The following RCN2 variants were observed in gnomAD, a reference collection of about 807,000 sequenced individuals.
RCN2 encodes reticulocalbin 2, also known as reticulocalbin-2.
In RCN2, 23 loss-of-function variants were observed where a neutral mutation model predicts 37.5. The ratio of observed to expected loss-of-function variants is 0.61; its 90% CI spans 0.44 to 0.87. The LOEUF (loss-of-function observed/expected upper bound fraction) is 0.87. Among genes scored for constraint, RCN2 ranks in the 40% least tolerant of loss-of-function variants. The pLI is 0.00. For synonymous variants in RCN2, 140 were observed against 144.6 expected (o/e 0.97, Z 0.23); for missense variants, 381 against 390.4 (o/e 0.98, Z 0.20).
intron 3 of RCN2, chr15:76,943,431 G>T (rs189618065): frequency 1.1e-3 from 228 of 201,120 alleles, no homozygotes; most frequent in African/African-American, 5.1e-3. Flanking sequence ...TTTATTAATG[G>T]TGTGGTAGGG....
intron 4 of RCN2, 23 bp from the exon 5 acceptor site, chr15:76,947,397 TC>T: frequency 6.8e-7 from 1 of 1,468,150 alleles, no homozygotes; most frequent in Non-Finnish European, 9.4e-7. Context: ...CTTTTTTTTT[TC>T]TTTTTTAATG....
intron 3 of RCN2, among the ~76,000 whole-genome samples, chr15:76,938,527 A>C (rs961706968): frequency 2.0e-5 from 3 of 152,202 alleles, no homozygotes; most frequent in African/African-American, 7.2e-5. Flanking sequence ...TGTTAAGTAC[A>C]TTCACAGTGT....
At chr15:76,947,301 C>T (rs1258839513) in intron 4 of RCN2, 120 bp from the exon 5 acceptor site, 2 of 627,332 alleles carry the variant, frequency 3.2e-6, no homozygotes, top group Non-Finnish European at 2.7e-6. Flanking sequence ...GATTGCACCA[C>T]TAGAGCTCCA....
rs115546351 is a variant in RCN2 at position 76,937,565 on chromosome 15, G to A, written c.447+1843G>A. ...TGGGATTTCAGGCTCAAGCCACCAC[G>A]CCCATCTAATTTTTGTATTTTTTGT... On this transcript the variant is annotated intron_variant, in intron 3 of 6. Coordinates refer to ENST00000394885, the MANE Select transcript of RCN2 (RefSeq NM_002902.3). 3.3e-3 allele frequency among the ~76,000 whole-genome samples: 503 copies of A among 151,980 alleles called. 5 individuals are homozygous for A. The highest frequency in any genetic ancestry group is 0.011 in the African/African-American group (464 of 41,440).
In RCN2 at chr15:76,931,785, CG is replaced by C; in HGVS notation, c.-54del. The C allele has an allele frequency of 8.4e-7, 1 of 1,183,464 alleles. No individual in the cohort carries two copies. Among genetic ancestry groups the C allele is most frequent in the African/African-American group, 1.6e-5 (1 of 62,314 alleles). 73.3% of individuals were successfully genotyped at this position (1,183,464 alleles called of 1,614,324 possible). On this transcript the variant is annotated 5_prime_UTR_variant, in exon 1 of 7. Transcript: ENST00000394885. ...CGCCCGCGGAGCATCGCAGCCGGCC[CG>C]GGCCCCCGCCAGCCTCCCTCCTCGC...
Position 76,947,444 on chromosome 15 carries a change from A to G in RCN2, c.585A>G (p.Leu195=), listed in dbSNP as rs377671184. The G allele has an allele frequency of 6.2e-7, 1 of 1,605,316 alleles. No individual in the cohort carries two copies. Among genetic ancestry groups the G allele is most frequent in the South Asian group, 1.1e-5 (1 of 89,504 alleles). The part of the protein sequence containing the change: ...YMTEFVIQEA[L]EEHDKNGDGF... ...AGGAATTTGTCATTCAAGAAGCTTT[A>G]GAAGAACATGACAAAAATGGTGATG... The change falls in exon 5 of 7, where the codon TTA becomes TTG. Residue 195 remains leucine (L), a synonymous_variant. Coordinates refer to ENST00000394885, the MANE Select transcript of RCN2 (RefSeq NM_002902.3).
chr15:76,932,446 C>T lies in RCN2; in HGVS notation c.230C>T (p.Ser77Leu), dbSNP rs2075228466. The T allele has an allele frequency of 6.2e-7, 1 of 1,609,550 alleles. No individual in the cohort carries two copies. The highest frequency in any genetic ancestry group is 2.2e-5 in the East Asian group (1 of 44,620). ...ATCATAAAGAAAATCGACTTGGACT[C>T]AGATGGCTTTCTCACTGAAAGTAAG... ...QAIIKKIDLD[S>L]DGFLTESELS... The change falls in exon 2 of 7, where the codon TCA becomes TTA. Residue 77 changes from serine (S) to leucine (L), a missense_variant. Transcript: ENST00000394885.
At position 76,948,467 on chromosome 15, in the gene RCN2, A is replaced by G; in HGVS notation, c.716A>G (p.Tyr239Cys). ...GAGAAAGACAGATTCGTGAATGATT[A>G]TGACAAAGATAACGATGGCAGGCTT... ...LVEKDRFVNDYDKDNDGRLDP... is the reference protein window; with the variant it reads ...LVEKDRFVNDCDKDNDGRLDP... The change falls in exon 6 of 7, where the codon TAT (tyrosine) becomes TGT (cysteine). Residue 239 changes from tyrosine (Y) to cysteine (C), a missense_variant. Tyr to Cys is a radical substitution (Grantham distance 194). Coordinates refer to ENST00000394885, the MANE Select transcript of RCN2 (RefSeq NM_002902.3). 6.2e-7 allele frequency: 1 copy of G among 1,611,100 alleles called. No homozygotes were observed. Among genetic ancestry groups the G allele is most frequent in the African/African-American group, 1.3e-5 (1 of 74,994 alleles).
In RCN2 at chr15:76,935,698, T is replaced by C. The variant is rs1447476275; in HGVS notation, c.423T>C (p.Asp141=). 2.5e-6 allele frequency: 4 copies of C among 1,613,256 alleles called. No individual in the cohort carries two copies. Among genetic ancestry groups the C allele is most frequent in the Non-Finnish European group, 3.4e-6 (4 of 1,179,642 alleles). ...TTGATGAGAACACTGCTCTGGATGA[T>C]GCAGAAGAGGAGTCCTTTAGGAAGG... The part of the protein sequence containing the change: ...IDFDENTALD[D]AEEESFRKLH... Residue 141 remains aspartate, a synonymous_variant, in exon 3 of 7, where the codon GAT becomes GAC. Coordinates refer to ENST00000394885, the MANE Select transcript of RCN2 (RefSeq NM_002902.3).
chr15:76,944,898 G>A (rs1478725104), intron 4 of RCN2, among the ~76,000 whole-genome samples: 1 of 152,220 alleles, frequency 6.6e-6, no homozygotes, highest in South Asian at 2.1e-4. Context: ...ATACCCAGCA[G>A]TGGGATTGCT....
At chr15:76,932,074 C>A in intron 1 of RCN2, 89 bp downstream of exon 1, 1 of 1,196,672 alleles carries the variant, frequency 8.4e-7, no homozygotes, top group Non-Finnish European at 1.1e-6. Context: ...GGCGGCCGGG[C>A]GAGGCCTGGC....
chr15:76,947,567 A>T (rs1452723152), intron 5 of RCN2, 50 bp downstream of exon 5: 1 of 1,146,470 alleles, frequency 8.7e-7, no homozygotes, highest in Non-Finnish European at 1.3e-6. Flanking sequence ...GAAGAAAGAC[A>T]TTGAAAGACA....
chr15:76,935,044 G>T (rs974027499), intron 2 of RCN2, among the ~76,000 whole-genome samples: 13 of 152,110 alleles, frequency 8.5e-5, no homozygotes, highest in African/African-American at 3.1e-4. Context: ...GGAAGCTCCG[G>T]CCAGGCATGG....
At chr15:76,948,993 A>C (rs981627974) in intron 6 of RCN2, 77 bp from the exon 7 acceptor site, 47 of 1,320,432 alleles carry the variant, frequency 3.6e-5, no homozygotes, top group Non-Finnish European at 4.7e-5. Context: ...GATTTTGACA[A>C]GTCAAATCAC....
intron 2 of RCN2, among the ~76,000 whole-genome samples, chr15:76,933,166 G>T (rs754194129): frequency 1.1e-4 from 17 of 152,174 alleles, no homozygotes; most frequent in Non-Finnish European, 2.4e-4. Flanking sequence ...ATAAATTGCT[G>T]TGCAGTTGTC....
At position 76,931,790 on chromosome 15, in the gene RCN2, C is replaced by T. The variant is rs1203011674; in HGVS notation, c.-52C>T. On this transcript the variant is annotated 5_prime_UTR_variant, in exon 1 of 7. Transcript: ENST00000394885. The stretch of plus-strand genomic sequence containing the variant: ...GCGGAGCATCGCAGCCGGCCCGGGC[C>T]CCCGCCAGCCTCCCTCCTCGCGTCC... The T allele has an allele frequency of 1.5e-5, 18 of 1,190,512 alleles. No homozygotes were observed. The East Asian group carries it at 4.4e-4, about 29-fold the overall frequency. 73.7% of individuals were successfully genotyped at this position (1,190,512 alleles called of 1,614,324 possible). A position where few individuals can be genotyped will look rare whatever the true frequency, so the allele number is the denominator to read the frequency against.
intron 3 of RCN2, chr15:76,938,601 A>G (rs2075262960): frequency 2.5e-6 from 1 of 404,214 alleles, no homozygotes; most frequent in Admixed American, 2.6e-5. Flanking sequence ...CTGTTAAACA[A>G]CACCCCATTC....
chr15:76,948,394 G>GT lies in RCN2; in HGVS notation c.659-9dup, dbSNP rs759297306. Reference sequence around the variant, plus strand: ...GATATTCTTGTGTATGTATATTTGTGTTTTTTTATATTAAGCTGCAAATGA... The same window carrying GT: ...GATATTCTTGTGTATGTATATTTGTGTTTTTTTTATATTAAGCTGCAAATGA... On this transcript the variant is annotated splice_polypyrimidine_tract_variant and intron_variant, in intron 5 of 6. Coordinates refer to ENST00000394885, the MANE Select transcript of RCN2 (RefSeq NM_002902.3). 227 of 1,562,204 alleles carry GT rather than the reference G, an allele frequency of 1.5e-4. 1 individual carries two copies. Among genetic ancestry groups the GT allele is most frequent in the Non-Finnish European group, 1.8e-4 (206 of 1,144,090 alleles).
intron 3 of RCN2, among the ~76,000 whole-genome samples, chr15:76,936,055 G>A (rs1243791322): frequency 6.6e-6 from 1 of 151,466 alleles, no homozygotes; most frequent in Non-Finnish European, 1.5e-5. Context: ...TATTAAGAAG[G>A]CCATTATGGC....
Sources: gnomAD v4.1 joint callset for allele counts (sites outside exome capture counted in the v4.1 genomes callset) on GRCh38, gnomAD v4.1.1 for gene constraint, MANE v1.5 for transcripts, NCBI Gene and HGNC (gene_info 2026-07-23, HGNC 2026-07-21) for gene names.